AKAP7: variants seen among roughly 807,000 people sequenced by gnomAD.
The protein encoded by AKAP7 is A kinase (PRKA) anchor protein 7.
A neutral mutation model predicts 39.5 loss-of-function variants in AKAP7; 39 were observed. That is an observed-to-expected ratio of 0.99 (90% CI 0.76 to 1.29). The LOEUF is 1.29. Among genes scored for constraint, AKAP7 ranks in the 50% most tolerant of loss-of-function variants. The pLI, the probability that AKAP7 is intolerant of heterozygous loss-of-function variation, is 0.00. For missense variants in AKAP7, 414 were observed against 407.7 expected (o/e 1.02, Z -0.13); for synonymous variants, 140 against 139.1 (o/e 1.01, Z -0.05).
chr6:131,141,880 G>A (rs1801064447), intron 1 of AKAP7, among the ~76,000 whole-genome samples: 1 of 149,154 alleles, frequency 6.7e-6, no homozygotes, highest in African/African-American at 2.5e-5. Flanking sequence ...TCTGATAGAA[G>A]AAATTTCTTT....
At chr6:131,204,740 G>A (rs1018135596) in intron 6 of AKAP7, among the ~76,000 whole-genome samples, 4 of 152,186 alleles carry the variant, frequency 2.6e-5, no homozygotes, top group African/African-American at 7.2e-5. Context: ...GGAGTGAGGG[G>A]CAGCCACCGG....
intron 5 of AKAP7, among the ~76,000 whole-genome samples, chr6:131,187,104 C>G (rs1274880630): frequency 3.9e-5 from 6 of 152,058 alleles, no homozygotes; most frequent in Non-Finnish European, 7.4e-5. Context: ...ATTCAGAGAT[C>G]CTTGAGGTTC....
intron 4 of AKAP7, 70 bp downstream of exon 4, chr6:131,165,287 C>A: frequency 1.8e-6 from 2 of 1,136,892 alleles, no homozygotes; most frequent in African/African-American, 1.6e-5. Flanking sequence ...CACAGCAGAA[C>A]CCAAAGAGAC....
At chr6:131,270,382 G>A (rs1312847981) in intron 7 of AKAP7, among the ~76,000 whole-genome samples, 1 of 152,094 alleles carries the variant, frequency 6.6e-6, no homozygotes, top group Non-Finnish European at 1.5e-5. Context: ...CATCTGTATT[G>A]TTGCCTGTAT....
intron 7 of AKAP7, among the ~76,000 whole-genome samples, chr6:131,275,252 C>T (rs1281060501): frequency 6.6e-6 from 1 of 152,164 alleles, no homozygotes; most frequent in Non-Finnish European, 1.5e-5. Flanking sequence ...CCATTTTAGG[C>T]ACTTCTCATA....
At chr6:131,241,611 G>GTATATATATA (rs1162098710) in intron 7 of AKAP7, among the ~76,000 whole-genome samples, 2 of 99,640 alleles carry the variant, frequency 2.0e-5, no homozygotes, top group African/African-American at 3.5e-5. Flanking sequence ...GTGTGTGTGT[G>GTATATATATA]TGTGTGTGTG....
intron 7 of AKAP7, among the ~76,000 whole-genome samples, chr6:131,255,922 G>A (rs1812808678): frequency 6.6e-6 from 1 of 151,900 alleles, no homozygotes; most frequent in Non-Finnish European, 1.5e-5. Context: ...TTTATTTAAT[G>A]TTTACTGTGT....
chr6:131,272,717 A>C (rs904008333), intron 7 of AKAP7, among the ~76,000 whole-genome samples: 1 of 152,196 alleles, frequency 6.6e-6, no homozygotes, highest in Admixed American at 6.5e-5. Context: ...AAAAACATGC[A>C]TTGGATGAGT....
intron 3 of AKAP7, among the ~76,000 whole-genome samples, 185 bp from the exon 4 acceptor site, chr6:131,164,896 C>A (rs2128240958): frequency 6.6e-6 from 1 of 152,336 alleles, no homozygotes; most frequent in Admixed American, 6.5e-5. Flanking sequence ...TCCTTTTAAG[C>A]TGTCCCAGTC....
At chr6:131,262,326 G>A (rs1813414468) in intron 7 of AKAP7, among the ~76,000 whole-genome samples, 1 of 152,142 alleles carries the variant, frequency 6.6e-6, no homozygotes, top group Non-Finnish European at 1.5e-5. Context: ...GGAGAAATAA[G>A]TGAGTTGAGT....
chr6:131,197,787 G>A (rs1210080773), intron 5 of AKAP7, among the ~76,000 whole-genome samples: 1 of 152,116 alleles, frequency 6.6e-6, no homozygotes, highest in East Asian at 1.9e-4. Context: ...AGGCCGTGGG[G>A]GCTACGAAGT....
chr6:131,128,254 T>G, the AKAP7 span, among the ~76,000 whole-genome samples: 1 of 152,164 alleles, frequency 6.6e-6, no homozygotes, highest in Non-Finnish European at 1.5e-5. Flanking sequence ...AGAAGCTTTT[T>G]ATAAAGAGAG....
chr6:131,241,439 A>G (rs1371003114), intron 7 of AKAP7, among the ~76,000 whole-genome samples: 2 of 152,050 alleles, frequency 1.3e-5, no homozygotes, highest in Admixed American at 6.6e-5. Context: ...GCCCTACACC[A>G]ATTGGTGGTA....
chr6:131,265,162 TCTTG>T (rs1289077524), intron 7 of AKAP7, among the ~76,000 whole-genome samples: 2 of 152,130 alleles, frequency 1.3e-5, no homozygotes, highest in Admixed American at 6.6e-5. Context: ...TGAGACAGAG[TCTTG>T]CTCTGTTGCC....
At position 131,281,873 on chromosome 6, in the gene AKAP7, G is replaced by A. The variant is rs1217373899; in HGVS notation, c.*147G>A. ...GCCTAATACTTTTCATGATCGATGT[G>A]TTCGCATTGCTGAAACACAACAGAA... On this transcript the variant is annotated 3_prime_UTR_variant, in exon 8 of 8. Transcript: ENST00000431975. This position sits in a 1 kb window ranked among gnomAD's most constrained non-coding sequence, Gnocchi z 4.0. 6 of 1,278,096 alleles carry A rather than the reference G, an allele frequency of 4.7e-6. No homozygotes were observed. The highest frequency in any genetic ancestry group is 6.0e-6 in the Non-Finnish European group (6 of 1,007,904). 79.2% of individuals were successfully genotyped at this position (1,278,096 alleles called of 1,614,324 possible).
intron 7 of AKAP7, among the ~76,000 whole-genome samples, chr6:131,260,826 T>G (rs1291162567): frequency 6.6e-6 from 1 of 152,202 alleles, no homozygotes; most frequent in Non-Finnish European, 1.5e-5. Context: ...ACTTGTTAAT[T>G]TTTGCTTAGA....
chr6:131,184,892 G>C (rs1805669986), intron 5 of AKAP7: 7 of 1,149,030 alleles, frequency 6.1e-6, no homozygotes, highest in Non-Finnish European at 9.2e-6. Context: ...TGGTCCTCCA[G>C]GTTGGAAGCA....
intron 3 of AKAP7, among the ~76,000 whole-genome samples, chr6:131,160,611 T>C (rs1802854078): frequency 6.6e-6 from 1 of 152,232 alleles, no homozygotes; most frequent in South Asian, 2.1e-4. Flanking sequence ...TCATTTTATC[T>C]GAGGGAACTT....
chr6:131,180,829 G>GTTTTTT (rs869088113), intron 5 of AKAP7, among the ~76,000 whole-genome samples: 1 of 82,156 alleles, frequency 1.2e-5, no homozygotes, highest in African/African-American at 4.8e-5. Flanking sequence ...TTTTTTGTTT[G>GTTTTTT]TTTTGTTTTT....
Sources: allele counts gnomAD v4.1 joint callset (sites outside exome capture counted in the v4.1 genomes callset), GRCh38; gene constraint gnomAD v4.1.1; non-coding constraint Gnocchi (gnomAD v3.1); transcripts MANE v1.5; gene names NCBI Gene and HGNC (gene_info 2026-07-23, HGNC 2026-07-21).